Variants in TSGA10IP observed in about 807,000 individuals in gnomAD.
TSGA10IP encodes the protein testis-specific protein 10-interacting protein.
A neutral mutation model predicts 63.2 loss-of-function variants in TSGA10IP; 64 were observed. That is an observed-to-expected ratio of 1.01 (90% CI 0.83 to 1.25). The LOEUF (loss-of-function observed/expected upper bound fraction) is 1.25. Among genes scored for constraint, TSGA10IP ranks in the 50% most tolerant of loss-of-function variants. TSGA10IP has a pLI of 0.00. For synonymous variants in TSGA10IP, 316 were observed against 298.3 expected (o/e 1.06, Z -0.61); for missense variants, 681 against 710.1 (o/e 0.96, Z 0.47).
chr11:65,959,716 A>T, intron 7 of TSGA10IP, 101 bp from the exon 8 acceptor site: 1 of 1,447,944 alleles, frequency 6.9e-7, no homozygotes, highest in Non-Finnish European at 9.2e-7. Flanking sequence ...ATCACACAGC[A>T]AGCCGGCACT....
chr11:65,950,235 T>C (rs1170771595), intron 4 of TSGA10IP, among the ~76,000 whole-genome samples: 1 of 152,098 alleles, frequency 6.6e-6, no homozygotes, highest in Non-Finnish European at 1.5e-5. Flanking sequence ...TGCTTTTAAC[T>C]ACAGACACCA....
intron 4 of TSGA10IP, among the ~76,000 whole-genome samples, chr11:65,949,502 C>T (rs1485717036): frequency 9.9e-5 from 15 of 151,842 alleles, no homozygotes; most frequent in East Asian, 1.9e-4. Flanking sequence ...CTGCAACCTC[C>T]GACTCCCAGG....
At chr11:65,947,464 G>T (rs762650220) in exon 3 of TSGA10IP, 7 of 1,613,514 alleles carry the variant, frequency 4.3e-6, no homozygotes, top group Non-Finnish European at 5.9e-6. Context: ...CGTCCGACAA[G>T]CAGGTCCAGC....
At chr11:65,950,189 T>G (rs1854921052) in intron 4 of TSGA10IP, among the ~76,000 whole-genome samples, 1 of 151,852 alleles carries the variant, frequency 6.6e-6, no homozygotes, top group Non-Finnish European at 1.5e-5. Flanking sequence ...ACACTTAAAA[T>G]CTACTCTTTT....
At chr11:65,947,852 G>A in intron 3 of TSGA10IP, 24 bp downstream of exon 3, 1 of 1,527,524 alleles carries the variant, frequency 6.5e-7, no homozygotes, top group Non-Finnish European at 8.8e-7. Context: ...TCAGAGCCTG[G>A]ATTCCCCCGA....
chr11:65,947,823 A>G, exon 3 of TSGA10IP: 1 of 1,556,108 alleles, frequency 6.4e-7, no homozygotes, highest in Non-Finnish European at 8.7e-7. Context: ...AGAGACCTGG[A>G]CTGTGGTGAG....
chr11:65,946,764 C>G (rs1854841448), intron 1 of TSGA10IP, 116 bp from the exon 2 acceptor site: 1 of 1,212,322 alleles, frequency 8.2e-7, no homozygotes, highest in East Asian at 2.6e-5. Context: ...GTAACGAGGG[C>G]CCAGAGGGAC....
intron 5 of TSGA10IP, among the ~76,000 whole-genome samples, chr11:65,957,695 C>T (rs549898729): frequency 2.6e-5 from 4 of 152,316 alleles, no homozygotes; most frequent in East Asian, 3.9e-4. Flanking sequence ...CCAGCACAAT[C>T]GCTGAGGTCC....
chr11:65,956,345 C>T (rs1239535110), intron 5 of TSGA10IP, among the ~76,000 whole-genome samples: 1 of 152,014 alleles, frequency 6.6e-6, no homozygotes, highest in Non-Finnish European at 1.5e-5. Context: ...CCATGTTGGT[C>T]AGGCTGGTCT....
chr11:65,950,711 C>T (rs1469295055), intron 4 of TSGA10IP, among the ~76,000 whole-genome samples: 4 of 151,906 alleles, frequency 2.6e-5, no homozygotes, highest in South Asian at 4.1e-4. Context: ...TACAGGCACC[C>T]GCCACCACAC....
chr11:65,946,677 C>T (rs531801902), intron 1 of TSGA10IP, among the ~76,000 whole-genome samples: 47 of 152,174 alleles, frequency 3.1e-4, no homozygotes, highest in South Asian at 1.0e-3. Context: ...TCAGGTGATC[C>T]GCCCCCCTTG....
chr11:65,954,836 C>G (rs1854998816), intron 5 of TSGA10IP, among the ~76,000 whole-genome samples: 1 of 147,174 alleles, frequency 6.8e-6, no homozygotes, highest in Admixed American at 6.7e-5. Flanking sequence ...AAAAAAAAAG[C>G]CCACCCTGAG....
intron 4 of TSGA10IP, among the ~76,000 whole-genome samples, chr11:65,950,826 T>G (rs1354162306): frequency 6.6e-6 from 1 of 152,122 alleles, no homozygotes; most frequent in Admixed American, 6.6e-5. Context: ...CCTCCCAAGG[T>G]GCTGGGATTA....
At chr11:65,955,607 C>T (rs542946616) in intron 5 of TSGA10IP, among the ~76,000 whole-genome samples, 43 of 147,956 alleles carry the variant, frequency 2.9e-4, no homozygotes, top group African/African-American at 1.0e-3. Flanking sequence ...AGAAAGACTC[C>T]GTTTCAAAAA....
chr11:65,953,229 C>A (rs916667894), intron 4 of TSGA10IP, among the ~76,000 whole-genome samples: 1 of 151,992 alleles, frequency 6.6e-6, no homozygotes, highest in Non-Finnish European at 1.5e-5. Flanking sequence ...CAGGGTTTCA[C>A]CATGATGACC....
At chr11:65,959,398 G>A in intron 7 of TSGA10IP, 84 bp downstream of exon 7, 4 of 1,547,792 alleles carry the variant, frequency 2.6e-6, no homozygotes, top group Non-Finnish European at 3.5e-6. Context: ...GGGCTCTGGA[G>A]GGCCTCCCCC....
At chr11:65,957,966 T>G (rs1302023185) in intron 5 of TSGA10IP, among the ~76,000 whole-genome samples, 1 of 152,066 alleles carries the variant, frequency 6.6e-6, no homozygotes, top group Non-Finnish European at 1.5e-5. Flanking sequence ...GGGTTTTGGG[T>G]TTTTTGAGAC....
In TSGA10IP at chr11:65,945,779, CG is replaced by C. The variant is rs1565304636; in HGVS notation, c.108del (p.Leu37CysfsTer133). On this transcript the variant is annotated frameshift_variant, in exon 1 of 8. Transcript: ENST00000532620. LOFTEE classifies it high-confidence loss of function. The stretch of plus-strand genomic sequence containing the variant: ...CGGCTCCAGGCTCCAGGAACCAGAA[CG>C]GGGCTGCTCAAGCTGCTGTCGACCG... 6.2e-7 allele frequency: 1 copy of C among 1,613,858 alleles called. No homozygotes were observed. The highest frequency in any genetic ancestry group is 1.3e-5 in the African/African-American group (1 of 74,920).
At position 65,953,748 on chromosome 11, in the gene TSGA10IP, T is replaced by C; in HGVS notation, c.1322+11T>C. 1 of 1,502,414 alleles carries C rather than the reference T, an allele frequency of 6.7e-7. No homozygotes were observed. The highest frequency in any genetic ancestry group is 2.5e-5 in the East Asian group (1 of 40,426). The allele number at this position is 1,502,414 out of a possible 1,614,324, so 93.1% of individuals were successfully genotyped here. On this transcript the variant is annotated intron_variant, in intron 5 of 7. Transcript: ENST00000532620. ...GCTGGAGGAGCTGAGGTAGGGAGCC[T>C]GGGCTTCGGGAGGCCTGGTTGGGAG... is the stretch of plus-strand genomic sequence containing the variant.
Sources: allele counts gnomAD v4.1 joint callset (sites outside exome capture counted in the v4.1 genomes callset), GRCh38; gene constraint gnomAD v4.1.1; transcripts MANE v1.5; gene names NCBI Gene and HGNC (gene_info 2026-07-23, HGNC 2026-07-21).